SBK3: variants seen among roughly 807,000 people sequenced by gnomAD.
The protein encoded by SBK3 is SH3 domain binding kinase family member 3, also known as uncharacterized serine/threonine-protein kinase SBK3.
A neutral mutation model predicts 12.7 loss-of-function variants in SBK3; 16 were observed. That is an observed-to-expected ratio of 1.26 (90% CI 0.86 to 1.92). The LOEUF (loss-of-function observed/expected upper bound fraction) is 1.92, where lower values mean the gene tolerates loss of function less well. SBK3 is among the 40% of genes most tolerant of loss of function. SBK3 has a pLI of 0.00. For missense variants in SBK3, 462 were observed against 481.8 expected (o/e 0.96, Z 0.38); for synonymous variants, 217 against 213.6 (o/e 1.02, Z -0.14).
chr19:55,544,631 G>T (rs1356821314), intron 2 of SBK3, among the ~76,000 whole-genome samples, 168 bp downstream of exon 2: 1 of 152,108 alleles, frequency 6.6e-6, no homozygotes, highest in Non-Finnish European at 1.5e-5. Context: ...CCCTCTCTGG[G>T]GTGGGGCCTG....
At position 55,541,553 on chromosome 19, in the gene SBK3, T is replaced by C; in HGVS notation, c.400-27A>G. On this transcript the variant is annotated intron_variant, in intron 3 of 3. Transcript: ENST00000612221. The surrounding 1 kb of genome is among the most constrained non-coding windows in gnomAD (Gnocchi z 5.3). Reference sequence around the variant, plus strand: ...TGAGGTCAAGAAGACAGGAGGAGGGTCAGAGTGTCTTGGTTTTGTCTTTTT... The same window carrying C: ...TGAGGTCAAGAAGACAGGAGGAGGGCCAGAGTGTCTTGGTTTTGTCTTTTT... 2 of 1,467,880 alleles carry C rather than the reference T, an allele frequency of 1.4e-6. No individual in the cohort carries two copies. The highest frequency in any genetic ancestry group is 1.8e-6 in the Non-Finnish European group (2 of 1,106,840). The allele number at this position is 1,467,880 out of a possible 1,614,324, so 90.9% of individuals were successfully genotyped here. A position where few individuals can be genotyped will look rare whatever the true frequency, so the allele number is the denominator to read the frequency against.
intron 3 of SBK3, among the ~76,000 whole-genome samples, chr19:55,543,579 G>A (rs1988610039): frequency 6.6e-6 from 1 of 151,088 alleles, no homozygotes; most frequent in South Asian, 2.1e-4. Context: ...CTCCAAACTC[G>A]AGAGACCCTA....
rs1988649747 is a variant in SBK3 at position 55,545,253 on chromosome 19, GTC to G, written c.45+244_45+245del. 1 of 583,916 alleles carries G rather than the reference GTC, an allele frequency of 1.7e-6. No homozygotes were observed. The highest frequency in any genetic ancestry group is 3.0e-6 in the Non-Finnish European group (1 of 329,778). The allele number at this position is 583,916 out of a possible 1,614,324, so 36.2% of individuals were successfully genotyped here. A position where few individuals can be genotyped will look rare whatever the true frequency, so the allele number is the denominator to read the frequency against. ...CCACACAGTCCCCCTGCCCACCCTG[GTC>G]TCTCTCTCCACCGTCCTCTTCCCCT... On this transcript the variant is annotated intron_variant, in intron 1 of 3. Transcript: ENST00000612221. This position sits in a 1 kb window ranked among gnomAD's most constrained non-coding sequence, Gnocchi z 4.4.
chr19:55,545,425 C>T lies in SBK3; in HGVS notation c.45+74G>A. On this transcript the variant is annotated intron_variant, in intron 1 of 3. Coordinates refer to ENST00000612221, the MANE Select transcript of SBK3 (RefSeq NM_001199824.2). This position sits in a 1 kb window ranked among gnomAD's most constrained non-coding sequence, Gnocchi z 4.4. ...CTGTTTTCTGTTTCTCTTCCTCTCT[C>T]TCCCCGTGTTGCCTCCTGCCTCTCT... 8.2e-7 allele frequency: 1 copy of T among 1,219,324 alleles called. No homozygotes were observed. The highest frequency in any genetic ancestry group is 1.2e-6 in the Non-Finnish European group (1 of 864,524). The allele number at this position is 1,219,324 out of a possible 1,614,324, so 75.5% of individuals were successfully genotyped here. A position where few individuals can be genotyped will look rare whatever the true frequency, so the allele number is the denominator to read the frequency against.
intron 3 of SBK3, among the ~76,000 whole-genome samples, chr19:55,542,629 A>G (rs1352113094): frequency 6.8e-6 from 1 of 146,330 alleles, no homozygotes; most frequent in African/African-American, 2.6e-5. Context: ...CCATCCGTCC[A>G]TGCAGCCATC....
chr19:55,545,105 A>C lies in SBK3; in HGVS notation c.46-156T>G, dbSNP rs562549213. The C allele has an allele frequency of 4.6e-5, 28 of 611,334 alleles. No individual in the cohort carries two copies. The highest frequency in any genetic ancestry group is 2.5e-4 in the Admixed American group (8 of 31,508). 37.9% of individuals were successfully genotyped at this position (611,334 alleles called of 1,614,324 possible). A position where few individuals can be genotyped will look rare whatever the true frequency, so the allele number is the denominator to read the frequency against. On this transcript the variant is annotated intron_variant, in intron 1 of 3. Coordinates refer to ENST00000612221, the MANE Select transcript of SBK3 (RefSeq NM_001199824.2). The surrounding 1 kb of genome is among the most constrained non-coding windows in gnomAD (Gnocchi z 4.4). ...GGATGAGTCACAGTGACTCACCCGG[A>C]CTCGGGCCACCTGTTTTTGTGTCCT...
chr19:55,542,569 ACCAATCCTTCCTTCCG>A (rs1375982433), intron 3 of SBK3, among the ~76,000 whole-genome samples: 1 of 145,732 alleles, frequency 6.9e-6, no homozygotes, highest in Admixed American at 6.8e-5. Context: ...CCATCCATCC[ACCAATCCTTCCTTCCG>A]TCCATCCATC....
intron 3 of SBK3, among the ~76,000 whole-genome samples, chr19:55,542,095 T>C (rs1988567875): frequency 6.6e-6 from 1 of 152,166 alleles, no homozygotes; most frequent in African/African-American, 2.4e-5. Flanking sequence ...CATCTCTAAC[T>C]CAGAGGCTTT....
In SBK3 at chr19:55,540,886, T is replaced by C. The variant is rs1988544855; in HGVS notation, c.1040A>G (p.Lys347Arg). 7 of 1,535,998 alleles carry C rather than the reference T, an allele frequency of 4.6e-6. No homozygotes were observed. Among genetic ancestry groups the C allele is most frequent in the African/African-American group, 4.1e-5 (3 of 73,000 alleles). Residue 347 changes from lysine (K) to arginine (R), a missense_variant, in exon 4 of 4, where the codon AAA becomes AGA. Physicochemically the swap from Lys to Arg is conservative, Grantham distance 26. Transcript: ENST00000612221. ...EEWTDEGDDS[K>R]SGGRTGTDGG... ...ATCTGTCCCCGTCCTCCCACCACTT[T>C]TGCTGTCATCACCCTCATCTGTCCA...
At position 55,544,138 on chromosome 19, in the gene SBK3, C is replaced by A; in HGVS notation, c.361G>T (p.Ala121Ser). 3 of 1,532,240 alleles carry A rather than the reference C, an allele frequency of 2.0e-6. No individual in the cohort carries two copies. Among genetic ancestry groups the A allele is most frequent in the Non-Finnish European group, 2.6e-6 (3 of 1,144,960 alleles). The allele number at this position is 1,532,240 out of a possible 1,614,324, so 94.9% of individuals were successfully genotyped here. A position where few individuals can be genotyped will look rare whatever the true frequency, so the allele number is the denominator to read the frequency against. The change falls in exon 3 of 4, where the codon GCG (alanine) becomes TCG (serine). Residue 121 changes from alanine to serine, a missense_variant. Physicochemically the swap from Ala to Ser is moderately conservative, Grantham distance 99 (BLOSUM62 1). Transcript: ENST00000612221. ...PRYFAFAQEY[A>S]PCGDLSGMLQ... The stretch of plus-strand genomic sequence containing the variant: ...ATCCCGCTGAGGTCCCCACAGGGCG[C>A]GTACTCCTGGGCGAAGGCAAAATAG...
intron 2 of SBK3, among the ~76,000 whole-genome samples, chr19:55,544,557 G>A (rs1988630563): frequency 1.3e-5 from 2 of 152,178 alleles, no homozygotes; most frequent in African/African-American, 2.4e-5. Flanking sequence ...GAGACACGGT[G>A]GTGACTTGGG....
intron 2 of SBK3, among the ~76,000 whole-genome samples, chr19:55,544,512 C>T (rs1988629595): frequency 1.3e-5 from 2 of 152,300 alleles, no homozygotes; most frequent in Admixed American, 6.5e-5. Context: ...CCGCCTCACC[C>T]TCTCCGGGCC....
At chr19:55,544,439 G>A in intron 2 of SBK3, 137 bp from the exon 3 acceptor site, 1 of 726,382 alleles carries the variant, frequency 1.4e-6, no homozygotes, top group Non-Finnish European at 2.2e-6. Context: ...AGTGTGGGTG[G>A]GAGGAGACCT....
rs1030293957 is a variant in SBK3 at position 55,544,242 on chromosome 19, C to T, written c.257G>A (p.Arg86Lys). 28 of 1,535,924 alleles carry T rather than the reference C, an allele frequency of 1.8e-5. No individual in the cohort carries two copies. The highest frequency in any genetic ancestry group is 2.7e-5 in the African/African-American group (2 of 73,032). Residue 86 changes from arginine (R) to lysine (K), a missense_variant, in exon 3 of 4, where the codon AGG becomes AAG. Physicochemically the swap from Arg to Lys is conservative, Grantham distance 26. Transcript: ENST00000612221. Reference sequence around the variant, plus strand: ...GACGCAGCGGCCCACACAGAACTCCCTCAGGAAGGTGCTTCTCAGGACCAA... The same window carrying T: ...GACGCAGCGGCCCACACAGAACTCCTTCAGGAAGGTGCTTCTCAGGACCAA... Reference protein sequence around the residue: ...RDLVLRSTFLREFCVGRCVSA... With the variant: ...RDLVLRSTFLKEFCVGRCVSA...
chr19:55,541,239 C>T lies in SBK3; in HGVS notation c.687G>A (p.Gly229=), dbSNP rs1988554524. ...CAGTGGCAGCACAGAAGAGAAGCAC[C>T]CCCAGGCCCCAGGAGTCCACGGCTG... ...LRPAVDSWGL[G]VLLFCAATAC... is the part of the protein sequence containing the mutation. The change falls in exon 4 of 4, where the codon GGG becomes GGA. Residue 229 remains glycine, a synonymous_variant. Coordinates refer to ENST00000612221, the MANE Select transcript of SBK3 (RefSeq NM_001199824.2). The surrounding 1 kb of genome is among the most constrained non-coding windows in gnomAD (Gnocchi z 5.3). 5 of 1,536,064 alleles carry T rather than the reference C, an allele frequency of 3.3e-6. No homozygotes were observed. Among genetic ancestry groups the T allele is most frequent in the Non-Finnish European group, 4.4e-6 (5 of 1,146,890 alleles).
Position 55,545,494 on chromosome 19 carries a change from C to G in SBK3, c.45+5G>C. 2.0e-6 allele frequency: 3 copies of G among 1,533,382 alleles called. No individual in the cohort carries two copies. Among genetic ancestry groups the G allele is most frequent in the Non-Finnish European group, 2.6e-6 (3 of 1,144,914 alleles). The allele number at this position is 1,533,382 out of a possible 1,614,324, so 95.0% of individuals were successfully genotyped here. A position where few individuals can be genotyped will look rare whatever the true frequency, so the allele number is the denominator to read the frequency against. ...TGTCTTCCTCCCCTGGCTCCCGTCT[C>G]TCACCTCTGGGTCCCCATCCTCAGG... On this transcript the variant is annotated splice_donor_5th_base_variant and intron_variant, in intron 1 of 3. Transcript: ENST00000612221. This position sits in a 1 kb window ranked among gnomAD's most constrained non-coding sequence, Gnocchi z 4.4.
At position 55,545,536 on chromosome 19, in the gene SBK3, C is replaced by T. The variant is rs1165967134; in HGVS notation, c.8G>A (p.Arg3His). Residue 3 changes from arginine to histidine, a missense_variant, in exon 1 of 4, where the codon CGC (arginine) becomes CAC (histidine). Physicochemically the swap from Arg to His is conservative, Grantham distance 29. Coordinates refer to ENST00000612221, the MANE Select transcript of SBK3 (RefSeq NM_001199824.2). The surrounding 1 kb of genome is among the most constrained non-coding windows in gnomAD (Gnocchi z 4.4). MERRASETPEDGD... is the reference protein window; with the variant it reads MEHRASETPEDGD... ...ATCCTCAGGGGTCTCGGAGGCCCTG[C>T]GCTCCATCTCAGGGCTTCCTGATGT... 14 of 1,534,804 alleles carry T rather than the reference C, an allele frequency of 9.1e-6. No individual in the cohort carries two copies. In the East Asian group the frequency reaches 2.2e-4, roughly 24 times the overall value.
Position 55,545,056 on chromosome 19 carries a change from A to G in SBK3, c.46-107T>C. 1 of 818,176 alleles carries G rather than the reference A, an allele frequency of 1.2e-6. No individual in the cohort carries two copies. Among genetic ancestry groups the G allele is most frequent in the Non-Finnish European group, 1.9e-6 (1 of 535,060 alleles). 50.7% of individuals were successfully genotyped at this position (818,176 alleles called of 1,614,324 possible). A position where few individuals can be genotyped will look rare whatever the true frequency, so the allele number is the denominator to read the frequency against. ...CAGGATGGAGGGTGGGGCAGGGGAC[A>G]GGGGTCACTGTCCCCAGAGAGGAGG... On this transcript the variant is annotated intron_variant, in intron 1 of 3. Transcript: ENST00000612221. The surrounding 1 kb of genome is among the most constrained non-coding windows in gnomAD (Gnocchi z 4.4).
At chr19:55,542,270 T>C (rs965645886) in intron 3 of SBK3, among the ~76,000 whole-genome samples, 4 of 152,170 alleles carry the variant, frequency 2.6e-5, no homozygotes, top group African/African-American at 9.7e-5. Flanking sequence ...CAATAAGTTA[T>C]TCTGTTATTT....
Sources: allele counts gnomAD v4.1 joint callset (sites outside exome capture counted in the v4.1 genomes callset), GRCh38; gene constraint gnomAD v4.1.1; non-coding constraint Gnocchi (gnomAD v3.1); transcripts MANE v1.5; gene names NCBI Gene and HGNC (gene_info 2026-07-23, HGNC 2026-07-21).